Variants in KCNMB1 observed in about 807,000 individuals in gnomAD.
KCNMB1 encodes the protein potassium calcium-activated channel subfamily M regulatory beta subunit 1.
A neutral mutation model predicts 21.7 loss-of-function variants in KCNMB1; 22 were observed. The ratio of observed to expected loss-of-function variants is 1.01; its 90% confidence interval spans 0.72 to 1.45. The LOEUF (loss-of-function observed/expected upper bound fraction) is 1.45, where lower values mean the gene tolerates loss of function less well. KCNMB1 is among the 40% of genes most tolerant of loss of function. The probability of loss-of-function intolerance (pLI) is 0.00; values close to 1 mark genes in which losing one functional copy is unlikely to be tolerated. For synonymous variants in KCNMB1, 114 were observed against 107.6 expected (o/e 1.06, Z -0.37); for missense variants, 243 against 243.4 (o/e 1.00, Z 0.01).
Position 170,377,468 on chromosome 5 carries a change from T to G in KCNMB1, c.*1236A>C, listed in dbSNP as rs552204333. 1 of 152,240 alleles carries G rather than the reference T, an allele frequency of 6.6e-6. No individual in the cohort carries two copies. Among genetic ancestry groups the G allele is most frequent in the East Asian group, 1.9e-4 (1 of 5,194 alleles). The allele number at this position is 152,240 out of a possible 1,614,324, so 9.4% of individuals were successfully genotyped here. On this transcript the variant is annotated 3_prime_UTR_variant, in exon 4 of 4. Coordinates refer to ENST00000274629, the MANE Select transcript of KCNMB1 (RefSeq NM_004137.4). ...CATTTTGCCCTTTTCAAATCTGAGA[T>G]AGGCTTCCCCAGCAGGCTCAGTGCC...
chr5:170,382,749 C>T (rs1329892192), intron 3 of KCNMB1: 2 of 151,588 alleles, frequency 1.3e-5, no homozygotes, highest in African/African-American at 2.4e-5. Flanking sequence ...TCTGATACCC[C>T]CATCATTGTC....
intron 1 of KCNMB1, among the ~76,000 whole-genome samples, chr5:170,386,486 G>T (rs549645719): frequency 6.6e-6 from 1 of 152,144 alleles, no homozygotes; most frequent in Non-Finnish European, 1.5e-5. Context: ...GGTCCCATGC[G>T]GTGAGCGAGC....
rs1764075487 is a variant in KCNMB1, at chr5:170,377,943, C to T, written c.*761G>A. On this transcript the variant is annotated 3_prime_UTR_variant, in exon 4 of 4. Coordinates refer to ENST00000274629, the MANE Select transcript of KCNMB1 (RefSeq NM_004137.4). ...TGGAACCCAACTCCGTCCCCAGACC[C>T]ACTTCCATCTTTTTCTGTGAGGGGG... is the stretch of plus-strand genomic sequence containing the variant. The T allele has an allele frequency of 6.6e-6, 1 of 152,022 alleles. No individual in the cohort carries two copies. The highest frequency in any genetic ancestry group is 1.5e-5 in the Non-Finnish European group (1 of 68,014). 9.4% of individuals were successfully genotyped at this position (152,022 alleles called of 1,614,324 possible).
intron 3 of KCNMB1, chr5:170,383,284 G>C (rs1764324966): frequency 4.8e-6 from 2 of 418,644 alleles, no homozygotes; most frequent in South Asian, 7.8e-5. Flanking sequence ...ATTTGACTGA[G>C]GTTGTAGAAT....
intron 1 of KCNMB1, among the ~76,000 whole-genome samples, chr5:170,385,701 C>CTTTGG (rs1764441738): frequency 1.1e-5 from 1 of 87,568 alleles, no homozygotes; most frequent in South Asian, 3.9e-4. Flanking sequence ...GGTAAAGTGA[C>CTTTGG]TTGCCCTAGG....
rs1280815838 is a variant in KCNMB1 at position 170,377,148 on chromosome 5, G to C, written c.*1556C>G. 2 of 152,282 alleles carry C rather than the reference G, an allele frequency of 1.3e-5. No homozygotes were observed. Among genetic ancestry groups the C allele is most frequent in the Non-Finnish European group, 2.9e-5 (2 of 68,096 alleles). The allele number at this position is 152,282 out of a possible 1,614,324, so 9.4% of individuals were successfully genotyped here. A position where few individuals can be genotyped will look rare whatever the true frequency, so the allele number is the denominator to read the frequency against. ...AGCTCAGGACTGGCCCTGCCGAATG[G>C]TCACTCACCTGCTCTGAAAATCCTC... On this transcript the variant is annotated 3_prime_UTR_variant, in exon 4 of 4. Coordinates refer to ENST00000274629, the MANE Select transcript of KCNMB1 (RefSeq NM_004137.4).
rs766653856 is a variant in KCNMB1, at chr5:170,378,760, T to A, written c.520A>T (p.Ile174Phe). The change falls in exon 4 of 4, where the codon ATT becomes TTT. Residue 174 changes from isoleucine to phenylalanine, a missense_variant. Coordinates refer to ENST00000274629, the MANE Select transcript of KCNMB1 (RefSeq NM_004137.4). ...TGGTTGCTCTTCACCATGGCGATAA[T>A]GAGGAGGCCACCGGTCAGCAGGAAG... ...PTFLLTGGLL[I>F]IAMVKSNQYL... The A allele has an allele frequency of 3.7e-6, 6 of 1,613,984 alleles. No individual in the cohort carries two copies. The Admixed American group carries it at 1.0e-4, about 27-fold the overall frequency.
intron 3 of KCNMB1, chr5:170,383,422 C>G (rs1157612875): frequency 5.0e-6 from 3 of 603,968 alleles, no homozygotes; most frequent in Non-Finnish European, 8.9e-6. Context: ...TAGCATTCCA[C>G]TTTACAAGGG....
intron 3 of KCNMB1, 23 bp downstream of exon 3, chr5:170,383,656 T>A (rs1764343690): frequency 1.2e-6 from 2 of 1,606,638 alleles, no homozygotes; most frequent in Non-Finnish European, 1.7e-6. Context: ...AAGGGATGTG[T>A]CCCCATCCCT....
At chr5:170,386,188 C>G (rs906064243) in intron 1 of KCNMB1, among the ~76,000 whole-genome samples, 2 of 151,808 alleles carry the variant, frequency 1.3e-5, no homozygotes, top group Non-Finnish European at 2.9e-5. Flanking sequence ...ATTGGATTAT[C>G]CATGTAGCTC....
rs1027404967 is a variant in KCNMB1, at chr5:170,375,427, C to A, written c.*3277G>T. 4 of 152,308 alleles carry A rather than the reference C, an allele frequency of 2.6e-5. No homozygotes were observed. Among genetic ancestry groups the A allele is most frequent in the African/African-American group, 9.6e-5 (4 of 41,454 alleles). The allele number at this position is 152,308 out of a possible 1,614,324, so 9.4% of individuals were successfully genotyped here. On this transcript the variant is annotated 3_prime_UTR_variant, in exon 4 of 4. Transcript: ENST00000274629. The stretch of plus-strand genomic sequence containing the variant: ...TGGCTGGAATTGGCAGATGCTGGTG[C>A]AGATGCCAGGGCCTCCCCTCAGAAC...
At chr5:170,381,688 C>T (rs1764247354) in intron 3 of KCNMB1, among the ~76,000 whole-genome samples, 1 of 152,242 alleles carries the variant, frequency 6.6e-6, no homozygotes, top group African/African-American at 2.4e-5. Context: ...CCTTCACATC[C>T]TGCTGACAGT....
At position 170,377,845 on chromosome 5, in the gene KCNMB1, T is replaced by C. The variant is rs1237373284; in HGVS notation, c.*859A>G. ...CCTCGGCCTCCCAAAGTGCTGGGAT[T>C]ACAGGAGTGAGCCACCGCGCCCGGC... On this transcript the variant is annotated 3_prime_UTR_variant, in exon 4 of 4. Coordinates refer to ENST00000274629, the MANE Select transcript of KCNMB1 (RefSeq NM_004137.4). 6.6e-6 allele frequency: 1 copy of C among 152,318 alleles called. No homozygotes were observed. Among genetic ancestry groups the C allele is most frequent in the Non-Finnish European group, 1.5e-5 (1 of 68,168 alleles). The allele number at this position is 152,318 out of a possible 1,614,324, so 9.4% of individuals were successfully genotyped here.
In KCNMB1 at chr5:170,385,318, T is replaced by A; in HGVS notation, c.130A>T (p.Lys44Ter). ...CAGGCCGGGAGAGCTCAGTACCTTT[T>A]CTGGTAGAGGGGCAGCACAGTCGTG... ...LVTTVLPLYQKSVWTQESKCH... is the reference protein window; with the variant it reads ...LVTTVLPLYQ The change falls in exon 2 of 4, where the codon AAA (lysine) becomes TAA (stop). Residue 44 changes from lysine (K) to a stop codon, truncating the protein, a stop_gained. Transcript: ENST00000274629. LOFTEE classifies it high-confidence loss of function. The A allele has an allele frequency of 6.2e-7, 1 of 1,614,114 alleles. No homozygotes were observed. Among genetic ancestry groups the A allele is most frequent in the Non-Finnish European group, 8.5e-7 (1 of 1,180,018 alleles).
chr5:170,389,143 G>A (rs1366805477), intron 1 of KCNMB1, 116 bp downstream of exon 1: 1 of 152,330 alleles, frequency 6.6e-6, no homozygotes, highest in African/African-American at 2.4e-5. Context: ...CCGAGAGGAA[G>A]GGAGTCCTCC....
intron 1 of KCNMB1, among the ~76,000 whole-genome samples, chr5:170,386,049 C>A (rs987836404): frequency 6.6e-6 from 1 of 151,478 alleles, no homozygotes; most frequent in Non-Finnish European, 1.5e-5. Flanking sequence ...TGGCATGAAC[C>A]CAGGAGGCGG....
chr5:170,383,877 T>A, intron 2 of KCNMB1, 27 bp from the exon 3 acceptor site: 1 of 1,610,668 alleles, frequency 6.2e-7, no homozygotes, highest in Non-Finnish European at 8.5e-7. Flanking sequence ...CATGCACACA[T>A]ACACATCTCA....
At chr5:170,379,973 T>G (rs1436986685) in intron 3 of KCNMB1, among the ~76,000 whole-genome samples, 2 of 146,050 alleles carry the variant, frequency 1.4e-5, no homozygotes, top group East Asian at 4.0e-4. Flanking sequence ...AAAAGTAAAA[T>G]ATTAGCTAAA....
chr5:170,375,563 CT>C lies in KCNMB1; in HGVS notation c.*3140del, dbSNP rs921880570. 2 of 96,842 alleles carry C rather than the reference CT, an allele frequency of 2.1e-5. No individual in the cohort carries two copies. Among genetic ancestry groups the C allele is most frequent in the South Asian group, 3.6e-4 (1 of 2,772 alleles). 6.0% of individuals were successfully genotyped at this position (96,842 alleles called of 1,614,324 possible). A position where few individuals can be genotyped will look rare whatever the true frequency, so the allele number is the denominator to read the frequency against. On this transcript the variant is annotated 3_prime_UTR_variant, in exon 4 of 4. Coordinates refer to ENST00000274629, the MANE Select transcript of KCNMB1 (RefSeq NM_004137.4). ...CAGCCCTTCACAGCTGGCTCTGCCC[CT>C]CAGCCCTTCACAGCTGGCTCTGCCC...
Sources: gnomAD v4.1 joint callset for allele counts (sites outside exome capture counted in the v4.1 genomes callset) on GRCh38, gnomAD v4.1.1 for gene constraint, MANE v1.5 for transcripts, NCBI Gene and HGNC (gene_info 2026-07-23, HGNC 2026-07-21) for gene names.